PRKG1: variants seen among roughly 807,000 people sequenced by gnomAD.
The protein encoded by PRKG1 is protein kinase cGMP-dependent 1, also known as cGMP-dependent protein kinase 1.
In PRKG1, 35 loss-of-function variants were observed where a neutral mutation model predicts 88.1. The observed-to-expected ratio is 0.40, with a 90% CI of 0.30 to 0.53. The LOEUF (loss-of-function observed/expected upper bound fraction) is 0.53. Ranked by LOEUF, PRKG1 falls within the 20% of genes least tolerant of loss-of-function variation. The pLI, the probability that PRKG1 is intolerant of heterozygous loss-of-function variation, is 0.59. For synonymous variants in PRKG1, 303 were observed against 292.5 expected, an observed-to-expected ratio of 1.04 and a Z score of -0.37; for missense variants, 540 against 839.8, an observed-to-expected ratio of 0.64 and a Z score of 4.41.
At chr10:51,725,865 C>T (rs1219783258) in intron 3 of PRKG1, among the ~76,000 whole-genome samples, 2 of 152,106 alleles carry the variant, frequency 1.3e-5, no homozygotes, top group African/African-American at 4.8e-5. Flanking sequence ...TCTTGAACTC[C>T]TGACTTCAAG....
intron 9 of PRKG1, among the ~76,000 whole-genome samples, chr10:52,174,039 A>G (rs903870327): frequency 5.3e-5 from 8 of 152,084 alleles, no homozygotes; most frequent in East Asian, 1.9e-4. Flanking sequence ...AAATGTCACA[A>G]TATCTTTCAG....
At chr10:51,538,754 A>C (rs1432314258) in intron 3 of PRKG1, among the ~76,000 whole-genome samples, 2 of 151,972 alleles carry the variant, frequency 1.3e-5, no homozygotes, top group African/African-American at 4.8e-5. Flanking sequence ...AGAAGAAAAT[A>C]ATTGGTTGTC....
chr10:51,752,100 G>A (rs1837740860), intron 3 of PRKG1, among the ~76,000 whole-genome samples: 1 of 152,016 alleles, frequency 6.6e-6, no homozygotes, highest in Non-Finnish European at 1.5e-5. Flanking sequence ...TGTTTCCTCA[G>A]CTACTGTTGC....
chr10:52,197,598 T>G (rs1164111398), intron 9 of PRKG1, among the ~76,000 whole-genome samples: 1 of 152,152 alleles, frequency 6.6e-6, no homozygotes, highest in African/African-American at 2.4e-5. Flanking sequence ...CAGTCCCACA[T>G]GGTTAGTCTG....
chr10:51,294,456 A>G lies in PRKG1; in HGVS notation c.478+141126A>G, dbSNP rs149267009. Among the ~76,000 whole-genome samples the G allele has an allele frequency of 2.5e-3, 381 of 150,810 alleles. 1 individual carries two copies. The highest frequency in any genetic ancestry group is 4.8e-3 in the Non-Finnish European group (325 of 67,756). Reference sequence around the variant, plus strand: ...TTGGACATACTGTTTTCCCAACATAATTTATTTAGGAGACCATCCTTTCCC... The same window carrying G: ...TTGGACATACTGTTTTCCCAACATAGTTTATTTAGGAGACCATCCTTTCCC... On this transcript the variant is annotated intron_variant, in intron 2 of 17. Transcript: ENST00000373980.
chr10:51,132,231 G>T (rs1447158143), intron 1 of PRKG1, among the ~76,000 whole-genome samples: 2 of 152,152 alleles, frequency 1.3e-5, no homozygotes, highest in African/African-American at 4.8e-5. Context: ...CTGGGTTTGG[G>T]TTTGATTGGG....
intron 7 of PRKG1, among the ~76,000 whole-genome samples, chr10:52,124,885 A>C (rs921345493): frequency 2.0e-5 from 3 of 152,152 alleles, no homozygotes; most frequent in Admixed American, 6.6e-5. Flanking sequence ...GATCATCAAT[A>C]TCACTGTCTT....
intron 7 of PRKG1, among the ~76,000 whole-genome samples, chr10:52,085,971 T>C (rs1846903101): frequency 6.6e-6 from 1 of 152,168 alleles, no homozygotes; most frequent in South Asian, 2.1e-4. Flanking sequence ...CATGAGATTC[T>C]ACAGTCAAAG....
intron 3 of PRKG1, among the ~76,000 whole-genome samples, chr10:51,536,182 T>C (rs1842146968): frequency 6.6e-6 from 1 of 152,168 alleles, no homozygotes; most frequent in African/African-American, 2.4e-5. Context: ...GTTGATGAAG[T>C]TAAGTGATCT....
At chr10:52,015,831 CA>C (rs1845025543) in intron 5 of PRKG1, among the ~76,000 whole-genome samples, 1 of 152,150 alleles carries the variant, frequency 6.6e-6, no homozygotes, top group African/African-American at 2.4e-5. Flanking sequence ...GTTCAAAGTT[CA>C]ACGGATCTTT....
intron 3 of PRKG1, among the ~76,000 whole-genome samples, chr10:51,511,255 A>T (rs771355340): frequency 1.3e-5 from 2 of 152,150 alleles, no homozygotes; most frequent in Non-Finnish European, 2.9e-5. Context: ...CATCAAATAT[A>T]CACCAAGATT....
chr10:52,234,068 C>T (rs1264638863), intron 9 of PRKG1, among the ~76,000 whole-genome samples: 1 of 151,998 alleles, frequency 6.6e-6, no homozygotes, highest in African/African-American at 2.4e-5. Flanking sequence ...ACACCTCACA[C>T]AGCAGGGTAT....
intron 5 of PRKG1, among the ~76,000 whole-genome samples, chr10:51,982,259 T>C (rs920500792): frequency 1.3e-5 from 2 of 152,216 alleles, no homozygotes; most frequent in African/African-American, 4.8e-5. Flanking sequence ...TTTCAGTGTA[T>C]TCCTGCATCT....
chr10:51,884,329 C>A (rs1841511387), intron 4 of PRKG1, among the ~76,000 whole-genome samples: 1 of 145,436 alleles, frequency 6.9e-6, no homozygotes, highest in Non-Finnish European at 1.5e-5. Flanking sequence ...CCTGTAGTCC[C>A]AGCTACACGG....
intron 3 of PRKG1, among the ~76,000 whole-genome samples, chr10:51,536,248 G>T (rs554517010): frequency 6.6e-6 from 1 of 152,178 alleles, no homozygotes; most frequent in Admixed American, 6.5e-5. Flanking sequence ...TCATCCTAGG[G>T]CTCTTTCTGT....
rs1351927444 is a variant in PRKG1, at chr10:51,615,196, G to T, written c.592+147360G>T. ...CTATAAGGTTTCTGCTAATAAATCT[G>T]CTGTTAGGCTGATGGGTTTTTTAAG... On this transcript the variant is annotated intron_variant, in intron 3 of 17. Coordinates refer to ENST00000373980, the MANE Select transcript of PRKG1 (RefSeq NM_006258.4). 3.3e-5 allele frequency among the ~76,000 whole-genome samples: 5 copies of T among 151,954 alleles called. No individual in the cohort carries two copies. The East Asian group carries it at 9.7e-4, about 29-fold the overall frequency.
At chr10:51,268,915 T>G (rs2170146) in intron 2 of PRKG1, among the ~76,000 whole-genome samples, 24,895 of 152,166 alleles carry the variant, frequency 0.16, 2,186 homozygotes, top group Non-Finnish European at 0.2. Flanking sequence ...ATAAATGTCC[T>G]TGAAATCTTC....
intron 10 of PRKG1, among the ~76,000 whole-genome samples, chr10:52,266,897 C>G (rs995555718): frequency 6.6e-6 from 1 of 152,016 alleles, no homozygotes; most frequent in Non-Finnish European, 1.5e-5. Context: ...CAAAGGAAGA[C>G]AAATCTGAGG....
chr10:51,996,383 T>G, intron 5 of PRKG1, among the ~76,000 whole-genome samples: 1 of 131,610 alleles, frequency 7.6e-6, no homozygotes, highest in East Asian at 2.7e-4. Context: ...AATCCACATA[T>G]CAGATGAGGG....
Sources: gnomAD v4.1 joint callset for allele counts (sites outside exome capture counted in the v4.1 genomes callset) on GRCh38, gnomAD v4.1.1 for gene constraint, MANE v1.5 for transcripts, NCBI Gene and HGNC (gene_info 2026-07-23, HGNC 2026-07-21) for gene names.